The following CSMD3 variants were observed in gnomAD, a reference collection of about 807,000 sequenced individuals.
CSMD3 encodes CUB and Sushi multiple domains 3.
A neutral mutation model predicts 435.2 loss-of-function variants in CSMD3; 177 were observed. That is an observed-to-expected ratio of 0.41 (90% CI 0.36 to 0.46). CSMD3 has a LOEUF of 0.46. Ranked by LOEUF, CSMD3 falls within the 20% of genes least tolerant of loss-of-function variation. The pLI is 0.34. For missense variants in CSMD3, 4,265 were observed against 4,504.6 expected (o/e 0.95, Z 1.52); for synonymous variants, 1,656 against 1,520.5 (o/e 1.09, Z -2.07).
In CSMD3 at chr8:112,244,441, A is replaced by G. The variant is rs764326380; in HGVS notation, c.10355T>C (p.Val3452Ala). ...AGTCCAGGTGTTATCGGATCTACAC[A>G]CTCTATGTTCTGTTCCACCTGCTAA... ...FFLAGGTEHRVCRSDNTWTGK... is the reference protein window; with the variant it reads ...FFLAGGTEHRACRSDNTWTGK... Residue 3452 changes from valine to alanine, a missense_variant, in exon 65 of 71, where the codon GTG becomes GCG. Val to Ala is a moderately conservative substitution (Grantham distance 64). This residue lies in a region of CSMD3 where 3,255 missense variants were observed against 3,380.2 expected (regional missense o/e 0.96). Coordinates refer to ENST00000297405, the MANE Select transcript of CSMD3 (RefSeq NM_198123.2). The G allele has an allele frequency of 5.6e-6, 9 of 1,613,746 alleles. No individual in the cohort carries two copies. The highest frequency in any genetic ancestry group is 7.6e-6 in the Non-Finnish European group (9 of 1,179,864).
At chr8:113,203,887 A>C (rs931151144) in intron 3 of CSMD3, among the ~76,000 whole-genome samples, 2 of 152,034 alleles carry the variant, frequency 1.3e-5, no homozygotes, top group Non-Finnish European at 1.5e-5. Context: ...TCCTCTTTTC[A>C]TAAGTATGCA....
intron 1 of CSMD3, among the ~76,000 whole-genome samples, chr8:113,433,833 C>T (rs2094689658): frequency 6.6e-6 from 1 of 152,030 alleles, no homozygotes. Flanking sequence ...CACGCTGCAG[C>T]TGGAGGCATT....
chr8:112,967,253 T>C (rs2084455069), intron 7 of CSMD3, among the ~76,000 whole-genome samples: 1 of 151,958 alleles, frequency 6.6e-6, no homozygotes. Flanking sequence ...AAATTTCTTC[T>C]TCAAATTCAT....
chr8:112,923,938 T>C (rs902751082), intron 9 of CSMD3, among the ~76,000 whole-genome samples: 10 of 152,164 alleles, frequency 6.6e-5, no homozygotes, highest in African/African-American at 2.4e-4. Context: ...TTATAATCCA[T>C]GGCACCCACT....
intron 12 of CSMD3, among the ~76,000 whole-genome samples, chr8:112,818,990 A>C (rs1169740317): frequency 6.6e-6 from 1 of 152,156 alleles, no homozygotes; most frequent in Non-Finnish European, 1.5e-5. Flanking sequence ...AATCAAAATC[A>C]AATCTATTTT....
intron 24 of CSMD3, among the ~76,000 whole-genome samples, chr8:112,566,325 A>G (rs188244920): frequency 6.6e-6 from 1 of 152,112 alleles, no homozygotes; most frequent in East Asian, 1.9e-4. Flanking sequence ...TAATAATATT[A>G]TCTCCCTCTT....
At chr8:112,384,737 C>T (rs940211526) in intron 36 of CSMD3, among the ~76,000 whole-genome samples, 2 of 152,206 alleles carry the variant, frequency 1.3e-5, no homozygotes, top group Admixed American at 6.5e-5. Flanking sequence ...AGATACCCTG[C>T]CTGTATGATT....
chr8:112,314,811 T>G (rs146179610), intron 47 of CSMD3, among the ~76,000 whole-genome samples, 194 bp from the exon 48 acceptor site: 1 of 152,026 alleles, frequency 6.6e-6, no homozygotes, highest in African/African-American at 2.4e-5. Flanking sequence ...ATTTATAGTA[T>G]TGATTTATTT....
At chr8:113,241,757 G>A (rs1468039210) in intron 3 of CSMD3, among the ~76,000 whole-genome samples, 1 of 151,830 alleles carries the variant, frequency 6.6e-6, no homozygotes, top group Non-Finnish European at 1.5e-5. Flanking sequence ...GGAATGAAAT[G>A]TCACTCCAAA....
intron 3 of CSMD3, among the ~76,000 whole-genome samples, chr8:113,275,689 GA>G (rs2132442709): frequency 6.6e-6 from 1 of 152,054 alleles, no homozygotes; most frequent in South Asian, 2.1e-4. Flanking sequence ...GGATTAGCTT[GA>G]AAAATATTTT....
intron 3 of CSMD3, among the ~76,000 whole-genome samples, chr8:113,248,775 G>A (rs1054969329): frequency 1.3e-5 from 2 of 151,384 alleles, no homozygotes; most frequent in Non-Finnish European, 2.9e-5. Flanking sequence ...TATACATGTG[G>A]AGGAAACAAA....
At chr8:112,792,547 A>C (rs1300302507) in intron 13 of CSMD3, among the ~76,000 whole-genome samples, 1 of 152,112 alleles carries the variant, frequency 6.6e-6, no homozygotes, top group Non-Finnish European at 1.5e-5. Flanking sequence ...TCAACATATA[A>C]ATTTGGGAGG....
At chr8:112,378,272 A>G (rs1829141238) in intron 38 of CSMD3, among the ~76,000 whole-genome samples, 1 of 152,016 alleles carries the variant, frequency 6.6e-6, no homozygotes, top group Non-Finnish European at 1.5e-5. Flanking sequence ...AAAAAAAGAA[A>G]AAAAAAACGG....
intron 3 of CSMD3, among the ~76,000 whole-genome samples, chr8:113,182,728 G>C (rs1482829951): frequency 6.6e-6 from 1 of 151,982 alleles, no homozygotes; most frequent in African/African-American, 2.4e-5. Context: ...CTAGGGCATT[G>C]CCTTTGTCCT....
At chr8:112,457,466 C>A (rs189764684) in intron 32 of CSMD3, among the ~76,000 whole-genome samples, 1 of 152,202 alleles carries the variant, frequency 6.6e-6, no homozygotes, top group Admixed American at 6.6e-5. Flanking sequence ...ATATTTCCTG[C>A]AGAATGATAT....
rs755136584 is a variant in CSMD3, at chr8:113,436,826, C to T, written c.29G>A (p.Arg10Gln). ...CTCCCAGGGTTTGGATTCCTTTGCT[C>T]GGCTTTCCCCTTTGCGGATCCCTTT... MKGIRKGES[R>Q]AKESKPWEPG... The change falls in exon 1 of 71, where the codon CGA (arginine) becomes CAA (glutamine). Residue 10 changes from arginine to glutamine, a missense_variant. Physicochemically the swap from Arg to Gln is conservative, Grantham distance 43. Coordinates refer to ENST00000297405, the MANE Select transcript of CSMD3 (RefSeq NM_198123.2). 2.5e-6 allele frequency: 4 copies of T among 1,614,172 alleles called. No homozygotes were observed. Among genetic ancestry groups the T allele is most frequent in the Non-Finnish European group, 3.4e-6 (4 of 1,180,044 alleles).
At chr8:112,306,433 G>A (rs1016947279) in intron 50 of CSMD3, among the ~76,000 whole-genome samples, 1 of 151,858 alleles carries the variant, frequency 6.6e-6, no homozygotes. Flanking sequence ...TTATTTCTTG[G>A]TTTCTTACTT....
chr8:113,436,274 G>A (rs945642231), intron 1 of CSMD3, among the ~76,000 whole-genome samples: 1 of 152,170 alleles, frequency 6.6e-6, no homozygotes, highest in Admixed American at 6.5e-5. Context: ...GGGTTAAAAA[G>A]CATTTAGACC....
At chr8:113,206,781 T>G (rs1329223900) in intron 3 of CSMD3, among the ~76,000 whole-genome samples, 1 of 152,170 alleles carries the variant, frequency 6.6e-6, no homozygotes, top group Non-Finnish European at 1.5e-5. Flanking sequence ...TGGAAAAAAA[T>G]GTATTCAATT....
Sources: gnomAD v4.1 joint callset for allele counts (sites outside exome capture counted in the v4.1 genomes callset) on GRCh38, gnomAD v4.1.1 for gene constraint, gnomAD v4.1.1 regional missense constraint, MANE v1.5 for transcripts, NCBI Gene and HGNC (gene_info 2026-07-23, HGNC 2026-07-21) for gene names.